Variants in OC90 observed in about 807,000 individuals in gnomAD.
The protein encoded by OC90 is otoconin 90.
A neutral mutation model predicts 47.3 loss-of-function variants in OC90; 46 were observed. The observed-to-expected ratio is 0.97, with a 90% CI of 0.77 to 1.24. The LOEUF is 1.24. Among genes scored for constraint, OC90 ranks in the 50% most tolerant of loss-of-function variants. OC90 has a pLI of 0.00. For synonymous variants in OC90, 271 were observed against 219.5 expected (o/e 1.23, Z -2.07); for missense variants, 688 against 583.9 (o/e 1.18, Z -1.84).
intron 3 of OC90, among the ~76,000 whole-genome samples, chr8:132,044,862 G>A (rs1346178968): frequency 6.6e-6 from 1 of 152,190 alleles, no homozygotes; most frequent in African/African-American, 2.4e-5. Flanking sequence ...TACCCACGAG[G>A]TCATTACTAG....
In OC90 at chr8:132,059,130, C is replaced by T. The variant is rs535741693; in HGVS notation, c.-48+211G>A. ...TCTCCTACTTTTCTTCCCTCCCCTCCTTCCTCCTACCCTTTCTGCCTCTTT... is the reference window on the plus strand; with the variant it reads ...TCTCCTACTTTTCTTCCCTCCCCTCTTTCCTCCTACCCTTTCTGCCTCTTT... On this transcript the variant is annotated intron_variant, in intron 1 of 13. Coordinates refer to ENST00000254627, the MANE Select transcript of OC90 (RefSeq NM_001080399.3). 4.6e-5 allele frequency among the ~76,000 whole-genome samples: 7 copies of T among 150,578 alleles called. No homozygotes were observed. The East Asian group carries it at 1.4e-3, about 30-fold the overall frequency.
chr8:132,053,067 G>C (rs1423535048), intron 2 of OC90, among the ~76,000 whole-genome samples: 1 of 152,060 alleles, frequency 6.6e-6, no homozygotes, highest in Admixed American at 6.6e-5. Flanking sequence ...ACTGCACCCT[G>C]GGGCCTGGGA....
chr8:132,026,541 T>C (rs1296693529), intron 13 of OC90, among the ~76,000 whole-genome samples: 18 of 152,236 alleles, frequency 1.2e-4, no homozygotes. Flanking sequence ...ATTTGTCTTA[T>C]GATAGCACAG....
chr8:132,036,844 T>A (rs1183796597), intron 9 of OC90, among the ~76,000 whole-genome samples: 1 of 152,234 alleles, frequency 6.6e-6, no homozygotes, highest in African/African-American at 2.4e-5. Flanking sequence ...TGTATAAGCA[T>A]TAAATTAGAT....
At chr8:132,041,835 G>A (rs1196438822) in intron 4 of OC90, 136 bp from the exon 5 acceptor site, 2 of 523,114 alleles carry the variant, frequency 3.8e-6, no homozygotes, top group Non-Finnish European at 6.7e-6. Flanking sequence ...TAATAAAACT[G>A]TTTTAGACTA....
At chr8:132,041,185 G>A in intron 5 of OC90, 29 bp from the exon 6 acceptor site, 1 of 1,424,608 alleles carries the variant, frequency 7.0e-7, no homozygotes, top group Non-Finnish European at 9.9e-7. Flanking sequence ...GAGGCAGGGT[G>A]AGAGTGTGGG....
At chr8:132,032,253 C>G (rs921500609) in intron 11 of OC90, among the ~76,000 whole-genome samples, 8 of 152,154 alleles carry the variant, frequency 5.3e-5, no homozygotes, top group Non-Finnish European at 8.8e-5. Flanking sequence ...TTTCGGAGAG[C>G]AAGTCTTTTC....
At chr8:132,033,313 A>G (rs1231766769) in intron 10 of OC90, 149 bp from the exon 11 acceptor site, 2 of 765,512 alleles carry the variant, frequency 2.6e-6, no homozygotes, top group Non-Finnish European at 4.3e-6. Flanking sequence ...GTCCAGGCAG[A>G]GTCTTAAGAA....
intron 12 of OC90, among the ~76,000 whole-genome samples, chr8:132,030,366 T>C (rs140611409): frequency 1.6e-3 from 241 of 152,296 alleles, no homozygotes; most frequent in African/African-American, 5.4e-3. Context: ...TGGCCTCAAG[T>C]TTTTCAATTT....
chr8:132,038,637 C>A (rs150314019), intron 8 of OC90, among the ~76,000 whole-genome samples, 153 bp downstream of exon 8: 6 of 152,280 alleles, frequency 3.9e-5, no homozygotes, highest in African/African-American at 1.4e-4. Flanking sequence ...TCAGAAGTAA[C>A]ACATCTCCTA....
chr8:132,028,646 G>GGAAA (rs1339544962), intron 13 of OC90, among the ~76,000 whole-genome samples: 1 of 104,520 alleles, frequency 9.6e-6, no homozygotes, highest in Admixed American at 1.2e-4. Flanking sequence ...AAGAAAGGAA[G>GGAAA]GAAGGAAGAA....
Position 132,024,694 on chromosome 8 carries a change from G to A in OC90, c.1221C>T (p.Asn407=), listed in dbSNP as rs201179013. 1,456 of 1,613,764 alleles carry A rather than the reference G, an allele frequency of 9.0e-4. 8 individuals carry two copies. The highest frequency in any genetic ancestry group is 4.2e-3 in the South Asian group (385 of 91,020). The stretch of plus-strand genomic sequence containing the variant: ...GTCTGCTTGGGGACTTGAGGCTTTG[G>A]TTAAAGGAGGCAGAGGTCATGCACT... ...AAECMTSASF[N]QSLKSPSRLG... is the part of the protein sequence containing the mutation. Residue 407 remains asparagine, a synonymous_variant, in exon 14 of 14, where the codon AAC becomes AAT. Transcript: ENST00000254627.
intron 9 of OC90, among the ~76,000 whole-genome samples, chr8:132,036,832 C>T (rs7465349): frequency 6.6e-6 from 1 of 152,128 alleles, no homozygotes; most frequent in Non-Finnish European, 1.5e-5. Flanking sequence ...ATTCCATAGG[C>T]GTGTATAAGC....
chr8:132,056,101 G>A (rs11986431), intron 1 of OC90, among the ~76,000 whole-genome samples: 10,468 of 152,214 alleles, frequency 0.069, 1,081 homozygotes, highest in African/African-American at 0.22. Context: ...GGGCTGCTGG[G>A]TAGGGCTGTA....
intron 12 of OC90, 107 bp downstream of exon 12, chr8:132,031,774 A>G (rs1050108312): frequency 1.8e-5 from 16 of 909,666 alleles, no homozygotes; most frequent in Non-Finnish European, 2.5e-5. Context: ...CCAAGCATTT[A>G]GTGAGGCCCA....
At chr8:132,057,913 A>G (rs1438782066) in intron 1 of OC90, among the ~76,000 whole-genome samples, 1 of 152,258 alleles carries the variant, frequency 6.6e-6, no homozygotes, top group Non-Finnish European at 1.5e-5. Flanking sequence ...GACCAGACCC[A>G]GGTGGGCCAG....
At chr8:132,049,512 G>A (rs1461055385) in intron 2 of OC90, among the ~76,000 whole-genome samples, 1 of 152,182 alleles carries the variant, frequency 6.6e-6, no homozygotes, top group African/African-American at 2.4e-5. Context: ...TGTTTAGAAG[G>A]ATATTAGGGA....
At chr8:132,032,083 A>C in intron 11 of OC90, 31 bp from the exon 12 acceptor site, 1 of 1,605,080 alleles carries the variant, frequency 6.2e-7, no homozygotes, top group East Asian at 2.2e-5. Context: ...CAGGAGAGCA[A>C]GGACTGTCGG....
chr8:132,052,001 T>C (rs1823217447), intron 2 of OC90, among the ~76,000 whole-genome samples: 1 of 152,090 alleles, frequency 6.6e-6, no homozygotes, highest in South Asian at 2.1e-4. Flanking sequence ...ACAGGCTGAT[T>C]GTGGTTTGAA....
Sources: allele counts gnomAD v4.1 joint callset (sites outside exome capture counted in the v4.1 genomes callset), GRCh38; gene constraint gnomAD v4.1.1; transcripts MANE v1.5; gene names NCBI Gene and HGNC (gene_info 2026-07-23, HGNC 2026-07-21).